The following SIAH1 variants were observed in gnomAD, a reference collection of about 807,000 sequenced individuals.
SIAH1 encodes the protein E3 ubiquitin-protein ligase SIAH1.
SIAH1 carries 2 observed loss-of-function variants against 20.0 expected under a neutral mutation model. The observed-to-expected ratio is 0.10, with a 90% CI of 0.04 to 0.31. The LOEUF (loss-of-function observed/expected upper bound fraction) is 0.31, where lower values mean the gene tolerates loss of function less well. Ranked by LOEUF, SIAH1 falls within the 10% of genes least tolerant of loss-of-function variation. The pLI, the probability that SIAH1 is intolerant of heterozygous loss-of-function variation, is 1.00. For missense variants in SIAH1, 119 were observed against 355.3 expected, an observed-to-expected ratio of 0.33 and a Z score of 5.35; for synonymous variants, 118 against 125.3, an observed-to-expected ratio of 0.94 and a Z score of 0.39.
chr16:48,384,879 C>A (rs1308374855), intron 1 of SIAH1, among the ~76,000 whole-genome samples: 3 of 145,202 alleles, frequency 2.1e-5, no homozygotes, highest in Non-Finnish European at 4.6e-5. Flanking sequence ...GCCTCCCGGG[C>A]GCGCGGGGGC....
rs145376769 is a variant in SIAH1 at position 48,366,282 on chromosome 16, C to CA, written c.-2-3853dup. Among the ~76,000 whole-genome samples, 1,001 of 152,360 alleles carry CA rather than the reference C, an allele frequency of 6.6e-3. 13 individuals carry two copies. The highest frequency in any genetic ancestry group is 0.022 in the African/African-American group (920 of 41,584). Reference sequence around the variant, plus strand: ...GCGTGGCCACACTGGCGCTACGCTCCAGGTTTATCGTGCGAACTCTAAATT... The same window carrying CA: ...GCGTGGCCACACTGGCGCTACGCTCCAAGGTTTATCGTGCGAACTCTAAATT... On this transcript the variant is annotated intron_variant, in intron 1 of 1. Coordinates refer to ENST00000394725, the MANE Select transcript of SIAH1 (RefSeq NM_003031.4).
At chr16:48,367,892 C>A (rs1342900387) in intron 1 of SIAH1, among the ~76,000 whole-genome samples, 3 of 152,340 alleles carry the variant, frequency 2.0e-5, no homozygotes, top group African/African-American at 7.2e-5. Context: ...CTATTACCTA[C>A]ACTTTCTAAA....
At chr16:48,382,983 A>G (rs1276332086) in intron 1 of SIAH1, among the ~76,000 whole-genome samples, 1 of 152,208 alleles carries the variant, frequency 6.6e-6, no homozygotes, top group Admixed American at 6.5e-5. Flanking sequence ...AATTTAACCT[A>G]ATCATGCTTT....
At chr16:48,372,336 C>T (rs2151050695) in intron 1 of SIAH1, among the ~76,000 whole-genome samples, 1 of 152,276 alleles carries the variant, frequency 6.6e-6, no homozygotes, top group African/African-American at 2.4e-5. Flanking sequence ...CCAGGCAAAC[C>T]ATTTTAGTTA....
At chr16:48,385,902 G>A (rs1303175458), upstream of SIAH1, among the ~76,000 whole-genome samples, 2 of 152,132 alleles carry the variant, frequency 1.3e-5, no homozygotes, top group African/African-American at 2.4e-5. Flanking sequence ...AAGAAAAAGC[G>A]GCTGCCCTGC....
intron 1 of SIAH1, among the ~76,000 whole-genome samples, chr16:48,380,205 G>C (rs568387251): frequency 1.5e-4 from 23 of 152,286 alleles, no homozygotes; most frequent in African/African-American, 5.3e-4. Flanking sequence ...ACTTTGGGAG[G>C]CTGAGGCAGG....
At chr16:48,380,357 CG>C (rs1319596601) in intron 1 of SIAH1, among the ~76,000 whole-genome samples, 7 of 151,856 alleles carry the variant, frequency 4.6e-5, no homozygotes, top group Non-Finnish European at 1.0e-4. Flanking sequence ...AGGCTGAGCA[CG>C]AGAACAACTG....
intron 1 of SIAH1, chr16:48,364,833 G>A (rs1276190246): frequency 6.6e-6 from 1 of 152,378 alleles, no homozygotes; most frequent in African/African-American, 2.4e-5. Flanking sequence ...TCAAACCAAA[G>A]AATCACATCC....
chr16:48,363,227 G>A (rs924754389), intron 1 of SIAH1: 1 of 167,044 alleles, frequency 6.0e-6, no homozygotes, highest in African/African-American at 2.4e-5. Context: ...TTAATGGTAA[G>A]CAATTATCTA....
Position 48,385,377 on chromosome 16 carries a change from C to A in SIAH1, c.-176G>T, listed in dbSNP as rs1045227486. 4.0e-5 allele frequency: 6 copies of A among 149,252 alleles called. No individual in the cohort carries two copies. The highest frequency in any genetic ancestry group is 1.9e-4 in the East Asian group (1 of 5,330). 9.2% of individuals were successfully genotyped at this position (149,252 alleles called of 1,614,324 possible). ...CCCGCAACGGCCGCCCCGGCTCCCC[C>A]CTGGCCGCCGCCGCCGCCGCCGTTT... On this transcript the variant is annotated 5_prime_UTR_variant, in exon 1 of 2. Coordinates refer to ENST00000394725, the MANE Select transcript of SIAH1 (RefSeq NM_003031.4).
chr16:48,370,326 GGTT>G (rs554741249), intron 1 of SIAH1, among the ~76,000 whole-genome samples: 264 of 152,094 alleles, frequency 1.7e-3, no homozygotes, highest in African/African-American at 6.0e-3. Flanking sequence ...CTTGGACCTT[GGTT>G]GTTGGTTTTG....
chr16:48,380,039 T>A (rs546404263), intron 1 of SIAH1, among the ~76,000 whole-genome samples: 1 of 152,070 alleles, frequency 6.6e-6, no homozygotes, highest in African/African-American at 2.4e-5. Context: ...CTCTTAAAGG[T>A]AGAAGGAAAT....
chr16:48,368,484 T>G (rs1352303660), intron 1 of SIAH1, among the ~76,000 whole-genome samples: 1 of 152,186 alleles, frequency 6.6e-6, no homozygotes. Context: ...TCACCTGAGG[T>G]CAGGAGTTCA....
At position 48,362,282 on chromosome 16, in the gene SIAH1, T is replaced by C. The variant is rs1274965914; in HGVS notation, c.147A>G (p.Leu49=). 1 of 1,614,148 alleles carries C rather than the reference T, an allele frequency of 6.2e-7. No individual in the cohort carries two copies. Residue 49 remains leucine, a synonymous_variant, in exon 2 of 2, where the codon TTA becomes TTG. Transcript: ENST00000394725. This position sits in a 1 kb window ranked among gnomAD's most constrained non-coding sequence, Gnocchi z 4.2. ...FECPVCFDYV[L]PPILQCQSGH... is the part of the protein sequence containing the mutation. ...CACTCTGACATTGAAGAATGGGCGG[T>C]AACACATAGTCAAAGCAGACTGGAC...
At chr16:48,385,097 C>A (rs1347690602) in intron 1 of SIAH1, 107 bp downstream of exon 1, 4 of 160,826 alleles carry the variant, frequency 2.5e-5, no homozygotes, top group South Asian at 1.2e-4. Flanking sequence ...ACTGCCCGCG[C>A]CCCGGCCGGG....
chr16:48,366,018 CT>C (rs1450866194), intron 1 of SIAH1: 1 of 648,348 alleles, frequency 1.5e-6, no homozygotes, highest in East Asian at 7.0e-5. Context: ...GCCCGTCTTG[CT>C]CGCGCAAGGG....
intron 1 of SIAH1, among the ~76,000 whole-genome samples, chr16:48,374,173 G>A (rs1404044274): frequency 2.0e-5 from 3 of 152,080 alleles, no homozygotes; most frequent in Non-Finnish European, 4.4e-5. Context: ...TTTATTTGTT[G>A]TTATAGGCGC....
chr16:48,386,138 G>A (rs920967271), upstream of SIAH1, among the ~76,000 whole-genome samples: 7 of 152,204 alleles, frequency 4.6e-5, no homozygotes, highest in Non-Finnish European at 8.8e-5. Flanking sequence ...GCAATTCTTT[G>A]ATGGGTGCTA....
At chr16:48,363,928 C>A (rs948892608) in intron 1 of SIAH1, 1 of 154,866 alleles carries the variant, frequency 6.5e-6, no homozygotes, top group African/African-American at 2.6e-5. Flanking sequence ...AGTAACTCTA[C>A]TAAGCCATAA....
Sources: allele counts gnomAD v4.1 joint callset (sites outside exome capture counted in the v4.1 genomes callset), GRCh38; gene constraint gnomAD v4.1.1; non-coding constraint Gnocchi (gnomAD v3.1); transcripts MANE v1.5; gene names NCBI Gene and HGNC (gene_info 2026-07-23, HGNC 2026-07-21).